Variants in DENND11 observed in about 807,000 individuals in gnomAD.
DENND11 encodes DENN domain-containing protein 11.
Under a neutral mutation model 49.2 loss-of-function variants are expected in DENND11, and 34 were observed. The observed-to-expected ratio is 0.69, with a 90% CI of 0.53 to 0.92. The LOEUF (loss-of-function observed/expected upper bound fraction) is 0.92, where lower values mean the gene tolerates loss of function less well. DENND11 is among the 40% of genes least tolerant of loss of function. DENND11 has a pLI of 0.00. For synonymous variants in DENND11, 238 were observed against 230.3 expected (o/e 1.03, Z -0.30); for missense variants, 475 against 581.6 (o/e 0.82, Z 1.88).
chr7:141,665,048 G>GT lies in DENND11; in HGVS notation c.958dup (p.Thr320AsnfsTer13). 1 of 1,613,666 alleles carries GT rather than the reference G, an allele frequency of 6.2e-7. No homozygotes were observed. On this transcript the variant is annotated frameshift_variant, in exon 7 of 9. Coordinates refer to ENST00000536163, the MANE Select transcript of DENND11 (RefSeq NM_001080392.2). LOFTEE classifies it high-confidence loss of function. ...CCGCTTCTCCTCGAATATCTTCTCT[G>GT]TGGTGCCTGTGGAACCCGGGGTTAG...
At chr7:141,688,235 A>G (rs1316916183) in intron 1 of DENND11, among the ~76,000 whole-genome samples, 1 of 152,210 alleles carries the variant, frequency 6.6e-6, no homozygotes, top group Non-Finnish European at 1.5e-5. Context: ...ACACTAAGCT[A>G]TTTGTGAGAT....
At chr7:141,685,029 A>AATATATATATATATATAT (rs1167922771) in intron 3 of DENND11, among the ~76,000 whole-genome samples, 1 of 91,542 alleles carries the variant, frequency 1.1e-5, no homozygotes, top group Non-Finnish European at 2.0e-5. Flanking sequence ...AAAAAAAAAA[A>AATATATATATATATATAT]ATATATATAT....
At chr7:141,679,262 C>T (rs1798112247) in intron 3 of DENND11, among the ~76,000 whole-genome samples, 1 of 152,080 alleles carries the variant, frequency 6.6e-6, no homozygotes, top group African/African-American at 2.4e-5. Flanking sequence ...AGCTATGACT[C>T]AAAATCTAGA....
chr7:141,702,127 C>T lies in DENND11; in HGVS notation c.27G>A (p.Pro9=). The change falls in exon 1 of 9, where the codon CCG becomes CCA. Residue 9 remains proline, a synonymous_variant. Coordinates refer to ENST00000536163, the MANE Select transcript of DENND11 (RefSeq NM_001080392.2). ...CGGGGCCCTCGGCCCAGCGCAGCAGCGGCGCCGCGTCTCCCTGCTCCACCA... is the reference window on the plus strand; with the variant it reads ...CGGGGCCCTCGGCCCAGCGCAGCAGTGGCGCCGCGTCTCCCTGCTCCACCA... MVEQGDAA[P]LLRWAEGPAV... is the part of the protein sequence containing the mutation. 1 of 983,162 alleles carries T rather than the reference C, an allele frequency of 1.0e-6. No individual in the cohort carries two copies. Among genetic ancestry groups the T allele is most frequent in the Non-Finnish European group, 1.2e-6 (1 of 829,958 alleles). 60.9% of individuals were successfully genotyped at this position (983,162 alleles called of 1,614,324 possible).
intron 3 of DENND11, among the ~76,000 whole-genome samples, chr7:141,684,161 A>C (rs1798192991): frequency 6.6e-6 from 1 of 152,140 alleles, no homozygotes; most frequent in Non-Finnish European, 1.5e-5. Context: ...TCCTGGCTTC[A>C]ACTGATCCTC....
Position 141,675,613 on chromosome 7 carries a change from G to A in DENND11, c.528-1393C>T, listed in dbSNP as rs117654546. Among the ~76,000 whole-genome samples, 1,474 of 152,188 alleles carry A rather than the reference G, an allele frequency of 9.7e-3. 15 individuals carry two copies. Among genetic ancestry groups the A allele is most frequent in the South Asian group, 0.016 (79 of 4,818 alleles). ...AATAGGCACTCCCCGCTGCCACACCGCCTCTGCAAACTGCCACGGTGGCTT... is the reference window on the plus strand; with the variant it reads ...AATAGGCACTCCCCGCTGCCACACCACCTCTGCAAACTGCCACGGTGGCTT... On this transcript the variant is annotated intron_variant, in intron 3 of 8. Coordinates refer to ENST00000536163, the MANE Select transcript of DENND11 (RefSeq NM_001080392.2).
rs1027566581 is a variant in DENND11, at chr7:141,658,370, C to T, written c.*4286G>A. 7 of 152,080 alleles carry T rather than the reference C, an allele frequency of 4.6e-5. No homozygotes were observed. The highest frequency in any genetic ancestry group is 7.3e-5 in the Non-Finnish European group (5 of 68,032). 9.4% of individuals were successfully genotyped at this position (152,080 alleles called of 1,614,324 possible). ...TTGGGAGTAAACGGAGCCCTTAACT[C>T]CTCCTCTCCCCCTACCTGAATCACA... On this transcript the variant is annotated 3_prime_UTR_variant, in exon 9 of 9. Coordinates refer to ENST00000536163, the MANE Select transcript of DENND11 (RefSeq NM_001080392.2).
intron 3 of DENND11, among the ~76,000 whole-genome samples, chr7:141,685,049 T>A (rs1798215703): frequency 7.1e-6 from 1 of 139,948 alleles, no homozygotes; most frequent in Non-Finnish European, 1.5e-5. Flanking sequence ...TATATATATA[T>A]ATATATATAT....
chr7:141,664,266 C>G (rs1562994474), intron 7 of DENND11, 26 bp from the exon 8 acceptor site: 1 of 1,555,958 alleles, frequency 6.4e-7, no homozygotes, highest in Non-Finnish European at 8.7e-7. Flanking sequence ...CCGTGAGACT[C>G]TGGTGCAGGT....
At chr7:141,701,862 G>A in intron 1 of DENND11, 24 bp downstream of exon 1, 1 of 1,174,692 alleles carries the variant, frequency 8.5e-7, no homozygotes, top group Non-Finnish European at 1.1e-6. Context: ...CTCCCCACGC[G>A]CCTGGCCCCG....
intron 3 of DENND11, among the ~76,000 whole-genome samples, chr7:141,679,122 A>G (rs755493812): frequency 1.3e-5 from 2 of 152,238 alleles, no homozygotes; most frequent in Non-Finnish European, 1.5e-5. Flanking sequence ...TGCTGTATTC[A>G]AGTATTATCC....
At chr7:141,700,747 C>A (rs1007061855) in intron 1 of DENND11, among the ~76,000 whole-genome samples, 1 of 152,128 alleles carries the variant, frequency 6.6e-6, no homozygotes, top group Non-Finnish European at 1.5e-5. Context: ...ATCCCACATT[C>A]TTCCTGTGTC....
chr7:141,687,751 C>T (rs1798267321), intron 1 of DENND11, among the ~76,000 whole-genome samples: 1 of 151,856 alleles, frequency 6.6e-6, no homozygotes, highest in Non-Finnish European at 1.5e-5. Context: ...TCTCCCGCCT[C>T]AGCCTCCCCA....
At chr7:141,700,954 G>C (rs73518091) in intron 1 of DENND11, among the ~76,000 whole-genome samples, 3,915 of 152,090 alleles carry the variant, frequency 0.026, 116 homozygotes, top group South Asian at 0.14. Context: ...GTCACACCTG[G>C]GTTTCCTTAA....
At chr7:141,687,103 C>T (rs1317600664) in intron 1 of DENND11, among the ~76,000 whole-genome samples, 1 of 152,168 alleles carries the variant, frequency 6.6e-6, no homozygotes, top group Non-Finnish European at 1.5e-5. Flanking sequence ...TTCTCATTCT[C>T]GTTTACCTCT....
intron 3 of DENND11, among the ~76,000 whole-genome samples, chr7:141,684,555 G>A (rs1390506177): frequency 6.6e-6 from 1 of 152,108 alleles, no homozygotes; most frequent in Non-Finnish European, 1.5e-5. Context: ...AAAATCCTCT[G>A]TACTTTCATA....
rs182357690 is a variant in DENND11 at position 141,687,974 on chromosome 7, T to C, written c.269-1316A>G. Among the ~76,000 whole-genome samples, 475 of 151,652 alleles carry C rather than the reference T, an allele frequency of 3.1e-3. 4 individuals carry two copies. Among genetic ancestry groups the C allele is most frequent in the African/African-American group, 0.011 (450 of 41,284 alleles). On this transcript the variant is annotated intron_variant, in intron 1 of 8. Transcript: ENST00000536163. The stretch of plus-strand genomic sequence containing the variant: ...TTTTGTATTTTTAGTAGAGATGGGG[T>C]TTCACCAAGTTGCCCAGGCTGGTCT...
In DENND11 at chr7:141,686,754, G is replaced by T. The variant is rs1354723875; in HGVS notation, c.269-96C>A. 3 of 795,240 alleles carry T rather than the reference G, an allele frequency of 3.8e-6. No homozygotes were observed. In the East Asian group the frequency reaches 8.0e-5, roughly 21 times the overall value. 49.3% of individuals were successfully genotyped at this position (795,240 alleles called of 1,614,324 possible). On this transcript the variant is annotated intron_variant, in intron 1 of 8. Transcript: ENST00000536163. ...AGCACACATGGCTTTTCAATAAACC[G>T]ACTGCTGACTCAGCCTCAGACAGAC...
intron 5 of DENND11, among the ~76,000 whole-genome samples, chr7:141,665,570 G>A (rs557854276): frequency 2.6e-5 from 4 of 152,254 alleles, no homozygotes; most frequent in South Asian, 2.1e-4. Flanking sequence ...AGCTGGTCTT[G>A]CTTAGAATTT....
Sources: gnomAD v4.1 joint callset for allele counts (sites outside exome capture counted in the v4.1 genomes callset) on GRCh38, gnomAD v4.1.1 for gene constraint, MANE v1.5 for transcripts, NCBI Gene and HGNC (gene_info 2026-07-23, HGNC 2026-07-21) for gene names.